The following TNRC6B variants were observed in gnomAD, a reference collection of about 807,000 sequenced individuals.
TNRC6B encodes trinucleotide repeat-containing gene 6B protein.
TNRC6B carries 52 observed loss-of-function variants against 203.6 expected under a neutral mutation model. The ratio of observed to expected loss-of-function variants is 0.26; its 90% confidence interval spans 0.20 to 0.32. TNRC6B has a LOEUF of 0.32. TNRC6B is among the 10% of genes least tolerant of loss of function. TNRC6B has a pLI of 1.00. For missense variants in TNRC6B, 1,923 were observed against 2,286.2 expected, an observed-to-expected ratio of 0.84 and a Z score of 3.24; for synonymous variants, 838 against 845.7, an observed-to-expected ratio of 0.99 and a Z score of 0.16.
intron 2 of TNRC6B, among the ~76,000 whole-genome samples, chr22:40,248,058 G>C (rs908762768): frequency 6.6e-6 from 1 of 151,508 alleles, no homozygotes; most frequent in Non-Finnish European, 1.5e-5. Context: ...CTGGGTGACA[G>C]AGTGAGATCT....
Position 40,300,441 on chromosome 22 carries a change from AT to A in TNRC6B, c.3709-7del. On this transcript the variant is annotated splice_polypyrimidine_tract_variant and intron_variant, in intron 12 of 22. Coordinates refer to ENST00000454349, the MANE Select transcript of TNRC6B (RefSeq NM_001162501.2). ...ATTCCTTTTCTTTTCTTTCTTTTTT[AT>A]TTTTTTGGCTAGGTTTCTGCCTCAA... The A allele has an allele frequency of 4.6e-6, 7 of 1,530,084 alleles. No homozygotes were observed. Among genetic ancestry groups the A allele is most frequent in the Admixed American group, 4.9e-5 (2 of 41,094 alleles). 94.8% of individuals were successfully genotyped at this position (1,530,084 alleles called of 1,614,324 possible).
intron 1 of TNRC6B, among the ~76,000 whole-genome samples, chr22:40,056,679 T>A (rs1030633978): frequency 6.6e-6 from 1 of 151,546 alleles, no homozygotes; most frequent in Non-Finnish European, 1.5e-5. Flanking sequence ...ATGCCTGTAG[T>A]CCTAGCTACT....
chr22:40,267,679 A>T (rs2070499784), intron 5 of TNRC6B, among the ~76,000 whole-genome samples: 1 of 152,212 alleles, frequency 6.6e-6, no homozygotes, highest in African/African-American at 2.4e-5. Flanking sequence ...AGCCTGGGCA[A>T]CCTAGAGAGA....
At chr22:40,220,098 G>T (rs916069706) in intron 1 of TNRC6B, among the ~76,000 whole-genome samples, 2 of 152,188 alleles carry the variant, frequency 1.3e-5, no homozygotes, top group African/African-American at 4.8e-5. Flanking sequence ...GAGAATCGCT[G>T]CGGTAGTAGG....
chr22:40,121,622 G>A (rs1205069707), intron 2 of TNRC6B, among the ~76,000 whole-genome samples: 4 of 152,150 alleles, frequency 2.6e-5, no homozygotes, highest in Admixed American at 2.6e-4. Flanking sequence ...TGCTTGCTAG[G>A]CCAGAGCAGC....
chr22:40,262,370 C>T (rs1275781770), intron 4 of TNRC6B, among the ~76,000 whole-genome samples, 197 bp downstream of exon 4: 2 of 152,148 alleles, frequency 1.3e-5, no homozygotes, highest in Non-Finnish European at 2.9e-5. Flanking sequence ...TAAGTGTGTG[C>T]TCTTGGCATA....
At chr22:40,291,144 G>A (rs888407397) in intron 12 of TNRC6B, among the ~76,000 whole-genome samples, 3 of 152,174 alleles carry the variant, frequency 2.0e-5, no homozygotes, top group South Asian at 2.1e-4. Flanking sequence ...CCAGCACTTT[G>A]GGAGACCAAG....
At chr22:40,207,419 ATATAT>A (rs1257963117) in intron 1 of TNRC6B, among the ~76,000 whole-genome samples, 3 of 71,636 alleles carry the variant, frequency 4.2e-5, no homozygotes, top group Admixed American at 2.4e-4. Flanking sequence ...AAAAAAAAAA[ATATAT>A]ATATATATAT....
At chr22:40,275,843 C>T (rs1296956077) in intron 7 of TNRC6B, among the ~76,000 whole-genome samples, 1 of 151,992 alleles carries the variant, frequency 6.6e-6, no homozygotes, top group African/African-American at 2.4e-5. Context: ...GCTGCAATCC[C>T]AGCTACTTGG....
At chr22:40,074,586 A>G (rs1019214927) in intron 1 of TNRC6B, among the ~76,000 whole-genome samples, 1 of 151,960 alleles carries the variant, frequency 6.6e-6, no homozygotes, top group African/African-American at 2.4e-5. Context: ...AGACCATCCT[A>G]GCTAACACGG....
At chr22:40,247,010 T>A (rs1487261417) in intron 2 of TNRC6B, among the ~76,000 whole-genome samples, 1 of 152,054 alleles carries the variant, frequency 6.6e-6, no homozygotes, top group East Asian at 1.9e-4. Context: ...TCCGGCAGAG[T>A]TGTCCAAGGC....
chr22:40,091,422 C>T (rs2068149961), intron 1 of TNRC6B, among the ~76,000 whole-genome samples: 1 of 151,614 alleles, frequency 6.6e-6, no homozygotes, highest in Admixed American at 6.6e-5. Flanking sequence ...TTGGAAAAAT[C>T]CAGATTATGT....
chr22:40,084,708 C>T (rs932483562), intron 1 of TNRC6B, among the ~76,000 whole-genome samples: 4 of 152,188 alleles, frequency 2.6e-5, no homozygotes, highest in African/African-American at 9.6e-5. Flanking sequence ...GGTACAAATC[C>T]CTCACCTTTG....
At chr22:40,207,169 G>T (rs1601883580) in intron 1 of TNRC6B, among the ~76,000 whole-genome samples, 1 of 151,908 alleles carries the variant, frequency 6.6e-6, no homozygotes, top group Admixed American at 6.6e-5. Context: ...ATACCAAATG[G>T]ATTCAGATAA....
chr22:40,125,671 G>GT, intron 2 of TNRC6B: 1 of 683,402 alleles, frequency 1.5e-6, no homozygotes, highest in Non-Finnish European at 2.4e-6. Context: ...TTACTTCACA[G>GT]TATCTGTGGC....
At chr22:40,289,357 C>G (rs1303078767) in intron 12 of TNRC6B, among the ~76,000 whole-genome samples, 1 of 152,120 alleles carries the variant, frequency 6.6e-6, no homozygotes, top group Non-Finnish European at 1.5e-5. Flanking sequence ...GTTTGAATGG[C>G]AGGAGTACTA....
chr22:40,190,913 T>C (rs530913939), intron 1 of TNRC6B, among the ~76,000 whole-genome samples: 1 of 152,328 alleles, frequency 6.6e-6, no homozygotes, highest in South Asian at 2.1e-4. Flanking sequence ...ATTGAACAAA[T>C]CTAATGTGTC....
At chr22:40,249,524 T>C (rs1443050424) in intron 2 of TNRC6B, among the ~76,000 whole-genome samples, 1 of 152,176 alleles carries the variant, frequency 6.6e-6, no homozygotes, top group Non-Finnish European at 1.5e-5. Flanking sequence ...GGAGCATTGT[T>C]TAGCGTTGGC....
chr22:40,231,712 C>T (rs749414126), intron 1 of TNRC6B, among the ~76,000 whole-genome samples: 3 of 152,072 alleles, frequency 2.0e-5, no homozygotes, highest in Admixed American at 1.3e-4. Context: ...TTCACACAAC[C>T]GCTGGAAAGT....
Sources: allele counts gnomAD v4.1 joint callset (sites outside exome capture counted in the v4.1 genomes callset), GRCh38; gene constraint gnomAD v4.1.1; transcripts MANE v1.5; gene names NCBI Gene and HGNC (gene_info 2026-07-23, HGNC 2026-07-21).